The following CD84 variants were observed in gnomAD, a reference collection of about 807,000 sequenced individuals.
The protein encoded by CD84 is CD84 molecule.
CD84 carries 22 observed loss-of-function variants against 33.8 expected under a neutral mutation model. That is an observed-to-expected ratio of 0.65 (90% CI 0.46 to 0.93). The LOEUF is 0.93. Ranked by LOEUF, CD84 falls within the 40% of genes least tolerant of loss-of-function variation. CD84 has a pLI of 0.00. For synonymous variants in CD84, 154 were observed against 145.2 expected, an observed-to-expected ratio of 1.06 and a Z score of -0.44; for missense variants, 400 against 397.6, an observed-to-expected ratio of 1.01 and a Z score of -0.05.
At chr1:160,548,965 C>A (rs1017557571) in intron 6 of CD84, among the ~76,000 whole-genome samples, 1 of 152,138 alleles carries the variant, frequency 6.6e-6, no homozygotes, top group African/African-American at 2.4e-5. Flanking sequence ...ATATGCTGGG[C>A]ACCCTGACCC....
rs1655531185 is a variant in CD84 at position 160,541,330 on chromosome 1, A to G, written c.*6926T>C. ...ACTAGTGAGCATAATTTCCATGTTC[A>G]AATGAATAATGAACTAATCAAAAAA... On this transcript the variant is annotated 3_prime_UTR_variant, in exon 7 of 7. Transcript: ENST00000368054. The G allele has an allele frequency of 6.6e-6, 1 of 152,240 alleles. No individual in the cohort carries two copies. The highest frequency in any genetic ancestry group is 2.4e-5 in the African/African-American group (1 of 41,464). The allele number at this position is 152,240 out of a possible 1,614,324, so 9.4% of individuals were successfully genotyped here.
Position 160,547,262 on chromosome 1 carries a change from C to T in CD84, c.*994G>A. On this transcript the variant is annotated 3_prime_UTR_variant, in exon 7 of 7. Coordinates refer to ENST00000368054, the MANE Select transcript of CD84 (RefSeq NM_003874.4). ...AAGTTCCTTCTGGAGAATGACTCTG[C>T]TTCTTGCAAGGTCTTCTATTTTGAT... The T allele has an allele frequency of 2.5e-6, 1 of 398,460 alleles. No individual in the cohort carries two copies. Among genetic ancestry groups the T allele is most frequent in the Non-Finnish European group, 4.4e-6 (1 of 226,030 alleles). The allele number at this position is 398,460 out of a possible 1,614,324, so 24.7% of individuals were successfully genotyped here.
At chr1:160,552,974 T>C (rs1656336123) in intron 4 of CD84, 1 of 582,840 alleles carries the variant, frequency 1.7e-6, no homozygotes, top group Non-Finnish European at 3.1e-6. Context: ...ACAGGATTAG[T>C]ATATGTTTCT....
At chr1:160,567,686 A>C (rs964594243) in intron 1 of CD84, among the ~76,000 whole-genome samples, 1 of 152,192 alleles carries the variant, frequency 6.6e-6, no homozygotes, top group Non-Finnish European at 1.5e-5. Context: ...TGGTAAAAGC[A>C]ATAGAAATAA....
intron 2 of CD84, among the ~76,000 whole-genome samples, chr1:160,565,119 T>C (rs1257393221): frequency 6.6e-6 from 1 of 152,122 alleles, no homozygotes; most frequent in Non-Finnish European, 1.5e-5. Flanking sequence ...TTGATCCTCA[T>C]GATAACCCTG....
chr1:160,564,122 C>T (rs1657170452), intron 2 of CD84, among the ~76,000 whole-genome samples: 1 of 152,162 alleles, frequency 6.6e-6, no homozygotes, highest in African/African-American at 2.4e-5. Flanking sequence ...AAAGCACGCA[C>T]ATCTCCCAGT....
Position 160,551,033 on chromosome 1 carries a change from C to T in CD84, c.763G>A (p.Ala255Thr), listed in dbSNP as rs199875386. Residue 255 changes from alanine (A) to threonine (T), a missense_variant and splice_region_variant, in exon 5 of 7, where the codon GCT becomes ACT. Coordinates refer to ENST00000368054, the MANE Select transcript of CD84 (RefSeq NM_003874.4). ...LFRLFKRRQD[A>T]ASKKTIYTYI... ...GTGTATATGGTTTTCTTTGAGGCAG[C>T]ATCTGTCTCACAAATAAATATAGAC... 6.2e-7 allele frequency: 1 copy of T among 1,609,280 alleles called. No homozygotes were observed.
chr1:160,556,155 A>C (rs1043052833), intron 2 of CD84, among the ~76,000 whole-genome samples: 4 of 152,154 alleles, frequency 2.6e-5, no homozygotes, highest in Non-Finnish European at 5.9e-5. Context: ...ACAGTGGTAA[A>C]GAAGAGGATC....
intron 3 of CD84, 187 bp from the exon 4 acceptor site, chr1:160,553,684 G>A (rs1434034309): frequency 3.1e-6 from 3 of 953,152 alleles, no homozygotes; most frequent in Admixed American, 2.8e-5. Context: ...GAGTTGATCA[G>A]GGGCTGCCAC....
intron 4 of CD84, chr1:160,552,604 C>T (rs1285584531): frequency 2.6e-6 from 2 of 782,040 alleles, no homozygotes; most frequent in Non-Finnish European, 4.5e-6. Flanking sequence ...ACTTTCACGC[C>T]TAGACTGACT....
At chr1:160,562,911 C>T (rs1657084150) in intron 2 of CD84, among the ~76,000 whole-genome samples, 1 of 151,960 alleles carries the variant, frequency 6.6e-6, no homozygotes, top group African/African-American at 2.4e-5. Flanking sequence ...CACACAGCCC[C>T]ATTAAAAACT....
intron 1 of CD84, among the ~76,000 whole-genome samples, chr1:160,576,340 A>ATTTGTG (rs1166108339): frequency 1.3e-5 from 2 of 152,206 alleles, no homozygotes; most frequent in African/African-American, 4.8e-5. Flanking sequence ...TTATTTGTTT[A>ATTTGTG]AAGAAACTAA....
At chr1:160,548,645 C>T (rs1182701559) in intron 6 of CD84, among the ~76,000 whole-genome samples, 2 of 152,174 alleles carry the variant, frequency 1.3e-5, no homozygotes, top group Non-Finnish European at 2.9e-5. Context: ...TACCTGCATT[C>T]CTTGTTCCTA....
At position 160,565,692 on chromosome 1, in the gene CD84, C is replaced by T. The variant is rs1301082187; in HGVS notation, c.100G>A (p.Gly34Arg). 2.5e-6 allele frequency: 4 copies of T among 1,613,316 alleles called. No individual in the cohort carries two copies. The highest frequency in any genetic ancestry group is 3.4e-6 in the Non-Finnish European group (4 of 1,179,712). Reference sequence around the variant, plus strand: ...TTTACAGGGAAAGTGACTGACTCTCCCAGAATCCCATTCACTGTGAAGATT... The same window carrying T: ...TTTACAGGGAAAGTGACTGACTCTCTCAGAATCCCATTCACTGTGAAGATT... ...SEIFTVNGIL[G>R]ESVTFPVNIQ... The change falls in exon 2 of 7, where the codon GGA becomes AGA. Residue 34 changes from glycine (G) to arginine (R), a missense_variant. By Grantham distance (125) the Gly-to-Arg change is moderately radical. Transcript: ENST00000368054.
chr1:160,550,420 G>A (rs1026867681), intron 5 of CD84, among the ~76,000 whole-genome samples: 2 of 152,228 alleles, frequency 1.3e-5, no homozygotes, highest in South Asian at 2.1e-4. Flanking sequence ...AGGGTGGAGG[G>A]GAGGGAGGGG....
At chr1:160,572,937 C>T (rs1657784602) in intron 1 of CD84, among the ~76,000 whole-genome samples, 1 of 152,140 alleles carries the variant, frequency 6.6e-6, no homozygotes, top group South Asian at 2.1e-4. Flanking sequence ...GGACTGGTTG[C>T]TCACTGGAGG....
chr1:160,552,829 T>G, intron 4 of CD84: 1 of 928,564 alleles, frequency 1.1e-6, no homozygotes, highest in Non-Finnish European at 1.7e-6. Context: ...AGTTCTTGGG[T>G]GGACATGGGA....
chr1:160,553,054 A>T lies in CD84; in HGVS notation c.760+324T>A, dbSNP rs560471817. The T allele has an allele frequency of 8.9e-6, 5 of 564,848 alleles. No homozygotes were observed. In the East Asian group the frequency reaches 1.5e-4, roughly 17 times the overall value. 35.0% of individuals were successfully genotyped at this position (564,848 alleles called of 1,614,324 possible). On this transcript the variant is annotated intron_variant, in intron 4 of 6. Transcript: ENST00000368054. ...AGTGACCCTGGAGATCCTCTAGTCC[A>T]AACATTTCACATGTGAGGGCCCTGA...
At chr1:160,549,872 T>C (rs1212770025) in intron 6 of CD84, 45 bp downstream of exon 6, 2 of 1,443,442 alleles carry the variant, frequency 1.4e-6, no homozygotes, top group African/African-American at 2.8e-5. Context: ...CCAGAATGGC[T>C]GGAAGAGTTA....
Sources: allele counts gnomAD v4.1 joint callset (sites outside exome capture counted in the v4.1 genomes callset), GRCh38; gene constraint gnomAD v4.1.1; transcripts MANE v1.5; gene names NCBI Gene and HGNC (gene_info 2026-07-23, HGNC 2026-07-21).